CALN1: variants seen among roughly 807,000 people sequenced by gnomAD.
CALN1 encodes the protein calneuron 1, also known as calcium-binding protein 8.
CALN1 carries 17 observed loss-of-function variants against 30.6 expected under a neutral mutation model. The observed-to-expected ratio is 0.56, with a 90% CI of 0.38 to 0.83. The LOEUF (loss-of-function observed/expected upper bound fraction) is 0.83. Among genes scored for constraint, CALN1 ranks in the 40% least tolerant of loss-of-function variants. The pLI is 0.00. For missense variants in CALN1, 291 were observed against 354.9 expected (o/e 0.82, Z 1.45); for synonymous variants, 156 against 131.4 (o/e 1.19, Z -1.28).
intron 5 of CALN1, among the ~76,000 whole-genome samples, chr7:71,888,089 A>G (rs1470359011): frequency 1.3e-5 from 2 of 152,166 alleles, no homozygotes; most frequent in African/African-American, 4.8e-5. Flanking sequence ...CTGGGATAAA[A>G]GCATAGGATG....
At chr7:72,207,082 G>A (rs1791938728) in intron 3 of CALN1, among the ~76,000 whole-genome samples, 1 of 152,138 alleles carries the variant, frequency 6.6e-6, no homozygotes, top group African/African-American at 2.4e-5. Context: ...TTGCCAGAAA[G>A]AAAAAGATGC....
intron 3 of CALN1, among the ~76,000 whole-genome samples, chr7:72,246,771 T>TTTTTG (rs1795194829): frequency 6.7e-6 from 1 of 149,968 alleles, no homozygotes; most frequent in African/African-American, 2.5e-5. Flanking sequence ...TTTTTTTTTT[T>TTTTTG]GAGATGGAGT....
intron 5 of CALN1, among the ~76,000 whole-genome samples, chr7:71,816,797 G>C (rs1419844112): frequency 6.6e-6 from 1 of 152,050 alleles, no homozygotes; most frequent in Non-Finnish European, 1.5e-5. Flanking sequence ...GTGAAACCCT[G>C]TCTCTACTAA....
At chr7:72,195,135 A>T (rs1262468876) in intron 3 of CALN1, among the ~76,000 whole-genome samples, 2 of 152,036 alleles carry the variant, frequency 1.3e-5, no homozygotes, top group Non-Finnish European at 2.9e-5. Flanking sequence ...ATCAGCTCAG[A>T]CTCACACCAC....
chr7:72,245,235 C>T (rs971530887), intron 3 of CALN1, among the ~76,000 whole-genome samples: 2 of 152,214 alleles, frequency 1.3e-5, no homozygotes, highest in Non-Finnish European at 2.9e-5. Flanking sequence ...AGGACAACAT[C>T]ATCTGAGCCA....
Position 72,106,223 on chromosome 7 carries a change from C to A in CALN1, c.316G>T (p.Ala106Ser). ...GFISKQELGM[A>S]MRSLGYMPSE... ...GGCATGTACCCCAAAGAGCGCATGG[C>A]CATGCCCAGCTCCTGCTTGGAGATG... is the stretch of plus-strand genomic sequence containing the variant. Residue 106 changes from alanine (A) to serine (S), a missense_variant, in exon 4 of 7, where the codon GCC becomes TCC. Ala to Ser is a moderately conservative substitution (Grantham distance 99). Coordinates refer to ENST00000395275, the MANE Select transcript of CALN1 (RefSeq NM_031468.4). 1 of 1,614,068 alleles carries A rather than the reference C, an allele frequency of 6.2e-7. No individual in the cohort carries two copies. Among genetic ancestry groups the A allele is most frequent in the Non-Finnish European group, 8.5e-7 (1 of 1,180,020 alleles).
At chr7:71,962,693 G>A (rs1797309514) in intron 5 of CALN1, among the ~76,000 whole-genome samples, 1 of 152,194 alleles carries the variant, frequency 6.6e-6, no homozygotes, top group African/African-American at 2.4e-5. Context: ...TGGGTGCCGT[G>A]AGGAGAAGAT....
intron 5 of CALN1, among the ~76,000 whole-genome samples, chr7:71,881,513 A>C (rs1250567613): frequency 6.6e-6 from 1 of 152,024 alleles, no homozygotes; most frequent in Non-Finnish European, 1.5e-5. Flanking sequence ...CCATTCCCCA[A>C]CTTCTCCCTC....
chr7:71,830,682 A>G (rs1009451086), intron 5 of CALN1, among the ~76,000 whole-genome samples: 11 of 152,184 alleles, frequency 7.2e-5, no homozygotes, highest in Non-Finnish European at 1.0e-4. Context: ...AAACTGAGAA[A>G]AAGTCCTCGA....
chr7:71,892,677 T>A (rs976150143), intron 5 of CALN1, among the ~76,000 whole-genome samples: 20 of 152,196 alleles, frequency 1.3e-4, no homozygotes, highest in Admixed American at 9.2e-4. Context: ...TTTCCTGGTT[T>A]CTTGTGTGAC....
chr7:71,940,095 G>T (rs1184614026), intron 5 of CALN1, among the ~76,000 whole-genome samples: 2 of 151,958 alleles, frequency 1.3e-5, no homozygotes, highest in East Asian at 3.9e-4. Flanking sequence ...CCCTTCAAGG[G>T]TCTCAACTGG....
At chr7:72,396,235 TAAAAAAAAAA>T (rs55683543) in intron 2 of CALN1, among the ~76,000 whole-genome samples, 2 of 53,344 alleles carry the variant, frequency 3.7e-5, no homozygotes, top group Admixed American at 4.7e-4. Flanking sequence ...TTGTCTCTAC[TAAAAAAAAAA>T]AAAAAAAAAA....
At chr7:72,159,714 C>T (rs895138850) in intron 3 of CALN1, among the ~76,000 whole-genome samples, 1 of 152,266 alleles carries the variant, frequency 6.6e-6, no homozygotes, top group African/African-American at 2.4e-5. Context: ...AGGAGGATGG[C>T]TTGAACCTGG....
chr7:72,223,512 G>T (rs1477649019), intron 3 of CALN1, among the ~76,000 whole-genome samples: 1 of 152,146 alleles, frequency 6.6e-6, no homozygotes, highest in Non-Finnish European at 1.5e-5. Context: ...GGATGACCCA[G>T]CAGCCACTGC....
At chr7:72,382,774 T>G (rs1038425661) in intron 2 of CALN1, among the ~76,000 whole-genome samples, 3 of 152,112 alleles carry the variant, frequency 2.0e-5, no homozygotes, top group Non-Finnish European at 4.4e-5. Flanking sequence ...GGTGCACCCA[T>G]GTTGCTGTAA....
At chr7:72,455,289 A>G in the CALN1 span, among the ~76,000 whole-genome samples, 2 of 150,112 alleles carry the variant, frequency 1.3e-5, no homozygotes, top group African/African-American at 4.9e-5. Context: ...CAACAGAGGA[A>G]GGCCATGTTT....
intron 2 of CALN1, among the ~76,000 whole-genome samples, chr7:72,287,123 C>A (rs1023518835): frequency 4.6e-5 from 7 of 152,138 alleles, no homozygotes; most frequent in African/African-American, 1.7e-4. Context: ...ACCCACCACC[C>A]AGATTTAATG....
At chr7:71,847,214 C>T (rs2116549515) in intron 5 of CALN1, among the ~76,000 whole-genome samples, 1 of 152,110 alleles carries the variant, frequency 6.6e-6, no homozygotes, top group Non-Finnish European at 1.5e-5. Context: ...GTGTCCCCCA[C>T]TCAAATCTCA....
rs540201456 is a variant in CALN1, at chr7:72,399,732, G to A, written c.119+3519C>T. On this transcript the variant is annotated intron_variant, in intron 2 of 6. Coordinates refer to ENST00000395275, the MANE Select transcript of CALN1 (RefSeq NM_031468.4). ...ATAAGACATACATCTAATAGCTCAA[G>A]GAACTGGAGGGATATAGCTTGGGTA... Among the ~76,000 whole-genome samples, 7 of 152,292 alleles carry A rather than the reference G, an allele frequency of 4.6e-5. No individual in the cohort carries two copies. The East Asian group carries it at 1.4e-3, about 29-fold the overall frequency.
Sources: gnomAD v4.1 joint callset for allele counts (sites outside exome capture counted in the v4.1 genomes callset) on GRCh38, gnomAD v4.1.1 for gene constraint, MANE v1.5 for transcripts, NCBI Gene and HGNC (gene_info 2026-07-23, HGNC 2026-07-21) for gene names.